The following PXDNL variants were observed in gnomAD, a reference collection of about 807,000 sequenced individuals.
PXDNL encodes the protein peroxidasin like.
Under a neutral mutation model 150.8 loss-of-function variants are expected in PXDNL, and 145 were observed. The ratio of observed to expected loss-of-function variants is 0.96; its 90% CI spans 0.84 to 1.10. The LOEUF (loss-of-function observed/expected upper bound fraction) is 1.10, where lower values mean the gene tolerates loss of function less well. Among genes scored for constraint, PXDNL ranks in the 50% least tolerant of loss-of-function variants. The pLI is 0.00. For missense variants in PXDNL, 2,087 were observed against 1,873.9 expected (o/e 1.11, Z -2.10); for synonymous variants, 757 against 725.7 (o/e 1.04, Z -0.69).
At chr8:51,483,030 G>T (rs1036207263) in intron 6 of PXDNL, among the ~76,000 whole-genome samples, 3 of 152,106 alleles carry the variant, frequency 2.0e-5, no homozygotes, top group African/African-American at 7.2e-5. Flanking sequence ...TAGTGGAGGG[G>T]GTGGGTAACC....
intron 1 of PXDNL, among the ~76,000 whole-genome samples, chr8:51,772,881 C>A (rs190383264): frequency 6.6e-6 from 1 of 152,284 alleles, no homozygotes; most frequent in African/African-American, 2.4e-5. Flanking sequence ...GGGGCACTGA[C>A]CCCATTAAAG....
At chr8:51,721,790 T>C (rs1165416280) in intron 1 of PXDNL, 2 of 357,688 alleles carry the variant, frequency 5.6e-6, no homozygotes, top group East Asian at 7.0e-5. Context: ...GATAGTTTGG[T>C]GGAGCTCCAG....
At chr8:51,737,447 G>C (rs1234065989) in intron 1 of PXDNL, among the ~76,000 whole-genome samples, 1 of 152,230 alleles carries the variant, frequency 6.6e-6, no homozygotes, top group Non-Finnish European at 1.5e-5. Context: ...GGTGCAGCCT[G>C]GTACCCAGCA....
intron 4 of PXDNL, among the ~76,000 whole-genome samples, chr8:51,525,753 G>A (rs6473613): frequency 0.98 from 150,029 of 152,326 alleles, 73,896 homozygotes; most frequent in Admixed American, 1. Flanking sequence ...AAGGAACCAG[G>A]GCATGTCCGT....
intron 17 of PXDNL, among the ~76,000 whole-genome samples, chr8:51,380,352 A>G (rs529221334): frequency 1.3e-5 from 2 of 152,310 alleles, no homozygotes; most frequent in Non-Finnish European, 2.9e-5. Context: ...TGTTGATGCC[A>G]CAAAGAAGCA....
intron 19 of PXDNL, among the ~76,000 whole-genome samples, chr8:51,370,375 C>T (rs1299456637): frequency 6.6e-6 from 1 of 152,182 alleles, no homozygotes; most frequent in Non-Finnish European, 1.5e-5. Flanking sequence ...CCCTATGTCC[C>T]ATCCCAGGGA....
Position 51,607,854 on chromosome 8 carries a change from G to GAGGAAGGAAGGAAGGAAGGA in PXDNL, c.237-15176_237-15157dup, listed in dbSNP as rs143544585. ...GACTCCATCTCAAAAAAAAGGAAGAGAGGAAGGAAGGAAGGAAGGAAGGAA... is the reference window on the plus strand; with the variant it reads ...GACTCCATCTCAAAAAAAAGGAAGAGAGGAAGGAAGGAAGGAAGGAAGGAAGGAAGGAAGGAAGGAAGGAA... On this transcript the variant is annotated intron_variant, in intron 2 of 22. Transcript: ENST00000356297. Among the ~76,000 whole-genome samples, 101 of 72,602 alleles carry GAGGAAGGAAGGAAGGAAGGA rather than the reference G, an allele frequency of 1.4e-3. 1 individual carries two copies. Among genetic ancestry groups the GAGGAAGGAAGGAAGGAAGGA allele is most frequent in the African/African-American group, 4.9e-3 (73 of 14,824 alleles). The allele number at this position is 72,602 out of a possible 152,430, so 47.6% of individuals were successfully genotyped here. A position where few individuals can be genotyped will look rare whatever the true frequency, so the allele number is the denominator to read the frequency against.
At chr8:51,338,825 C>A (rs879737293) in intron 21 of PXDNL, among the ~76,000 whole-genome samples, 2 of 152,054 alleles carry the variant, frequency 1.3e-5, no homozygotes, top group Non-Finnish European at 2.9e-5. Flanking sequence ...AAAAGTATAG[C>A]GGGGTGTGGG....
chr8:51,542,217 C>G (rs892495702), intron 4 of PXDNL, among the ~76,000 whole-genome samples: 1 of 152,072 alleles, frequency 6.6e-6, no homozygotes, highest in Non-Finnish European at 1.5e-5. Context: ...CCATGATATT[C>G]TCCTATTAAA....
chr8:51,365,259 T>C (rs1017684355), intron 19 of PXDNL, among the ~76,000 whole-genome samples: 1 of 152,212 alleles, frequency 6.6e-6, no homozygotes, highest in East Asian at 1.9e-4. Context: ...AGACTTTAAA[T>C]GCTCCTTTGA....
chr8:51,398,714 A>C (rs1169931459), intron 17 of PXDNL, among the ~76,000 whole-genome samples: 1 of 152,232 alleles, frequency 6.6e-6, no homozygotes, highest in Non-Finnish European at 1.5e-5. Flanking sequence ...TGCAAATGCA[A>C]GGCGGAATCA....
intron 19 of PXDNL, among the ~76,000 whole-genome samples, chr8:51,370,293 T>G (rs1024049514): frequency 6.6e-6 from 1 of 152,180 alleles, no homozygotes; most frequent in Non-Finnish European, 1.5e-5. Flanking sequence ...CATTGCTTCC[T>G]TGCAGGGCAC....
At chr8:51,494,803 A>G (rs892449767) in intron 5 of PXDNL, among the ~76,000 whole-genome samples, 5 of 151,854 alleles carry the variant, frequency 3.3e-5, no homozygotes, top group Non-Finnish European at 7.4e-5. Context: ...ACCTACAAAG[A>G]GACTTAGAAT....
At chr8:51,621,457 T>C (rs1021996720) in intron 2 of PXDNL, among the ~76,000 whole-genome samples, 3 of 122,266 alleles carry the variant, frequency 2.5e-5, no homozygotes, top group African/African-American at 4.9e-5. Flanking sequence ...TCTGTGTGTG[T>C]GTGTGTGTGT....
intron 1 of PXDNL, among the ~76,000 whole-genome samples, chr8:51,661,747 A>C (rs1054292521): frequency 6.6e-6 from 1 of 152,104 alleles, no homozygotes; most frequent in African/African-American, 2.4e-5. Context: ...TAGGGAGACC[A>C]CAGTGTGAGG....
chr8:51,499,357 C>T (rs1811131732), intron 5 of PXDNL, among the ~76,000 whole-genome samples: 1 of 152,154 alleles, frequency 6.6e-6, no homozygotes, highest in Admixed American at 6.5e-5. Context: ...TATCGAACTC[C>T]TGAACTCAGG....
intron 1 of PXDNL, among the ~76,000 whole-genome samples, chr8:51,751,884 A>C (rs910985449): frequency 2.0e-5 from 3 of 152,216 alleles, no homozygotes; most frequent in African/African-American, 7.2e-5. Flanking sequence ...CAACTCAGGC[A>C]TAGAAGTGTT....
intron 2 of PXDNL, among the ~76,000 whole-genome samples, chr8:51,603,372 C>G (rs1813768661): frequency 6.6e-6 from 1 of 151,928 alleles, no homozygotes; most frequent in Non-Finnish European, 1.5e-5. Flanking sequence ...CATTTTTCTG[C>G]TTATCTAAAC....
intron 12 of PXDNL, among the ~76,000 whole-genome samples, chr8:51,433,386 C>T (rs969531602): frequency 5.3e-5 from 8 of 151,708 alleles, no homozygotes; most frequent in African/African-American, 1.2e-4. Flanking sequence ...TAAATTTGAT[C>T]GAATGTTTTC....
Sources: allele counts gnomAD v4.1 joint callset (sites outside exome capture counted in the v4.1 genomes callset), GRCh38; gene constraint gnomAD v4.1.1; transcripts MANE v1.5; gene names NCBI Gene and HGNC (gene_info 2026-07-23, HGNC 2026-07-21).